LMX1A: variants seen among roughly 807,000 people sequenced by gnomAD.
LMX1A encodes LIM homeobox transcription factor 1-alpha.
Under a neutral mutation model 49.1 loss-of-function variants are expected in LMX1A, and 15 were observed. The ratio of observed to expected loss-of-function variants is 0.31; its 90% confidence interval spans 0.20 to 0.47. The LOEUF is 0.47. Among genes scored for constraint, LMX1A ranks in the 20% least tolerant of loss-of-function variants. The probability of loss-of-function intolerance (pLI) is 1.00; values close to 1 mark genes in which losing one functional copy is unlikely to be tolerated. For missense variants in LMX1A, 372 were observed against 475.8 expected, an observed-to-expected ratio of 0.78 and a Z score of 2.03; for synonymous variants, 167 against 185.7, an observed-to-expected ratio of 0.90 and a Z score of 0.82.
intron 3 of LMX1A, among the ~76,000 whole-genome samples, chr1:165,305,686 C>A (rs998494144): frequency 6.6e-6 from 1 of 152,190 alleles, no homozygotes; most frequent in Admixed American, 6.5e-5. Context: ...ATACAGAAAT[C>A]TGACAAAAGT....
intron 4 of LMX1A, among the ~76,000 whole-genome samples, chr1:165,238,348 T>G (rs2102627374): frequency 6.6e-6 from 1 of 152,344 alleles, no homozygotes; most frequent in East Asian, 1.9e-4. Context: ...TTCCTACTAC[T>G]ATCAAATAAG....
intron 4 of LMX1A, among the ~76,000 whole-genome samples, chr1:165,241,611 A>G (rs192744399): frequency 6.6e-6 from 1 of 152,320 alleles, no homozygotes; most frequent in East Asian, 1.9e-4. Flanking sequence ...GGAGGATGAG[A>G]CTTCCTCATA....
intron 4 of LMX1A, among the ~76,000 whole-genome samples, chr1:165,224,353 A>T (rs1345256064): frequency 6.6e-6 from 1 of 152,180 alleles, no homozygotes; most frequent in Non-Finnish European, 1.5e-5. Context: ...TTATAGCAGT[A>T]CAAGAACAGA....
At chr1:165,301,325 T>G (rs959268048) in intron 3 of LMX1A, among the ~76,000 whole-genome samples, 3 of 152,134 alleles carry the variant, frequency 2.0e-5, no homozygotes, top group Non-Finnish European at 4.4e-5. Flanking sequence ...CTGCACAACG[T>G]TTGGCTTACA....
intron 4 of LMX1A, among the ~76,000 whole-genome samples, chr1:165,230,417 T>C (rs1652199443): frequency 6.6e-6 from 1 of 152,046 alleles, no homozygotes; most frequent in Non-Finnish European, 1.5e-5. Flanking sequence ...ACCCCCCCAG[T>C]TTGCTATCTA....
At chr1:165,287,751 T>A (rs1189200176) in intron 3 of LMX1A, among the ~76,000 whole-genome samples, 2 of 152,190 alleles carry the variant, frequency 1.3e-5, no homozygotes, top group Non-Finnish European at 2.9e-5. Context: ...CCAAGATGGC[T>A]CTTGGCTTTG....
chr1:165,272,162 G>A (rs1653815034), intron 3 of LMX1A, among the ~76,000 whole-genome samples: 1 of 151,984 alleles, frequency 6.6e-6, no homozygotes, highest in African/African-American at 2.4e-5. Flanking sequence ...CCCACCAAGG[G>A]GCTTGGTCCT....
intron 3 of LMX1A, among the ~76,000 whole-genome samples, chr1:165,344,019 T>C (rs538891724): frequency 2.0e-5 from 3 of 152,302 alleles, no homozygotes; most frequent in East Asian, 3.9e-4. Flanking sequence ...CAAAGTAATA[T>C]GAACCATAAA....
intron 3 of LMX1A, among the ~76,000 whole-genome samples, chr1:165,291,794 T>G (rs1038285135): frequency 1.4e-4 from 21 of 152,134 alleles, no homozygotes; most frequent in Non-Finnish European, 2.4e-4. Context: ...CCGGGCGCGG[T>G]GGCTCACGCC....
intron 3 of LMX1A, among the ~76,000 whole-genome samples, chr1:165,260,049 G>C (rs16841814): frequency 0.011 from 1,672 of 152,282 alleles, 36 homozygotes; most frequent in African/African-American, 0.038. Flanking sequence ...ACACAGATAT[G>C]CACAAATGGC....
intron 3 of LMX1A, among the ~76,000 whole-genome samples, chr1:165,351,831 T>G (rs1232708043): frequency 6.6e-6 from 1 of 152,274 alleles, no homozygotes; most frequent in African/African-American, 2.4e-5. Flanking sequence ...CAGTGCTTTT[T>G]GTTATACAGA....
chr1:165,269,877 T>C (rs1653744050), intron 3 of LMX1A, among the ~76,000 whole-genome samples: 1 of 152,002 alleles, frequency 6.6e-6, no homozygotes, highest in East Asian at 1.9e-4. Context: ...GGAACAACAC[T>C]TACTGGGGCC....
At chr1:165,302,173 C>G in intron 3 of LMX1A, among the ~76,000 whole-genome samples, 1 of 150,082 alleles carries the variant, frequency 6.7e-6, no homozygotes, top group African/African-American at 2.5e-5. Flanking sequence ...TGTGGTGGCT[C>G]ACACCTGTAA....
At chr1:165,259,375 T>C (rs1215768682) in intron 3 of LMX1A, among the ~76,000 whole-genome samples, 3 of 152,208 alleles carry the variant, frequency 2.0e-5, no homozygotes, top group Non-Finnish European at 4.4e-5. Flanking sequence ...ACACCCAGCA[T>C]ATGTTCAGGA....
chr1:165,318,930 G>A (rs140355379), intron 3 of LMX1A, among the ~76,000 whole-genome samples: 8 of 151,676 alleles, frequency 5.3e-5, no homozygotes, highest in East Asian at 1.9e-4. Flanking sequence ...GGTTAAGCCC[G>A]GGTTAATTAG....
At chr1:165,211,245 G>A (rs1651375498) in intron 5 of LMX1A, 1 of 152,204 alleles carries the variant, frequency 6.6e-6, no homozygotes, top group Admixed American at 6.5e-5. Context: ...GGTAACTTTG[G>A]GTGTTTCATG....
intron 3 of LMX1A, among the ~76,000 whole-genome samples, chr1:165,315,899 T>A: frequency 6.6e-6 from 1 of 152,214 alleles, no homozygotes; most frequent in East Asian, 1.9e-4. Flanking sequence ...TGATTTTAAA[T>A]CAGGGGTTCT....
intron 4 of LMX1A, among the ~76,000 whole-genome samples, chr1:165,220,705 G>A (rs566617008): frequency 9.2e-5 from 14 of 152,332 alleles, no homozygotes; most frequent in Non-Finnish European, 1.8e-4. Flanking sequence ...ACAGTCATCT[G>A]TACATGCCTT....
At chr1:165,309,041 T>A (rs540457225) in intron 3 of LMX1A, among the ~76,000 whole-genome samples, 39 of 152,188 alleles carry the variant, frequency 2.6e-4, no homozygotes, top group African/African-American at 9.2e-4. Flanking sequence ...AAGAGATGCT[T>A]ATGGAAAACC....
Sources: gnomAD v4.1 joint callset for allele counts (sites outside exome capture counted in the v4.1 genomes callset) on GRCh38, gnomAD v4.1.1 for gene constraint, MANE v1.5 for transcripts, NCBI Gene and HGNC (gene_info 2026-07-23, HGNC 2026-07-21) for gene names.